The following XRN1 variants were observed in gnomAD, a reference collection of about 807,000 sequenced individuals.
XRN1 encodes strand-exchange protein 1 homolog.
Under a neutral mutation model 222.3 loss-of-function variants are expected in XRN1, and 67 were observed. The ratio of observed to expected loss-of-function variants is 0.30; its 90% CI spans 0.25 to 0.37. The LOEUF is 0.37. XRN1 is among the 10% of genes least tolerant of loss of function. XRN1 has a pLI of 1.00. For synonymous variants in XRN1, 643 were observed against 652.4 expected (o/e 0.99, Z 0.22); for missense variants, 1,707 against 2,000.2 (o/e 0.85, Z 2.80).
chr3:142,375,674 T>G (rs1318942042), intron 25 of XRN1, 124 bp downstream of exon 25: 2 of 958,244 alleles, frequency 2.1e-6, no homozygotes, highest in Non-Finnish European at 2.9e-6. Context: ...TAAGTTTACA[T>G]GTAACATATG....
chr3:142,311,724 T>G lies in XRN1; in HGVS notation c.4872A>C (p.Pro1624=), dbSNP rs1378448959. The G allele has an allele frequency of 6.2e-7, 1 of 1,614,186 alleles. No individual in the cohort carries two copies. Among genetic ancestry groups the G allele is most frequent in the East Asian group, 2.2e-5 (1 of 44,878 alleles). ...SQATPVQTSQ[P]DSSNIVKVSP... is the part of the protein sequence containing the mutation. ...TTACTTTGACAATGTTGGAAGAATCTGGCTGGCTAGTCTGAACTGGAGTGG... is the reference window on the plus strand; with the variant it reads ...TTACTTTGACAATGTTGGAAGAATCGGGCTGGCTAGTCTGAACTGGAGTGG... Residue 1624 remains proline (P), a synonymous_variant, in exon 41 of 41, where the codon CCA becomes CCC. Coordinates refer to ENST00000392981, the MANE Select transcript of XRN1 (RefSeq NM_001282857.2).
In XRN1 at chr3:142,311,559, T is replaced by G; in HGVS notation, c.5037A>C (p.Lys1679Asn). Reference protein sequence around the residue: ...KSTPISSSRRKSRKLAVNFGV... With the variant: ...KSTPISSSRRNSRKLAVNFGV... Reference sequence around the variant, plus strand: ...CAAAATTAACAGCCAGTTTTCTTGATTTTCTTCTTGAAGAAGAGATTGGTG... The same window carrying G: ...CAAAATTAACAGCCAGTTTTCTTGAGTTTCTTCTTGAAGAAGAGATTGGTG... The change falls in exon 41 of 41, where the codon AAA (lysine) becomes AAC (asparagine). Residue 1679 changes from lysine (K) to asparagine (N), a missense_variant. Lys to Asn is a moderately conservative substitution (Grantham distance 94). This residue lies in a region of XRN1 where 473 missense variants were observed against 482.0 expected (regional missense o/e 0.98). Coordinates refer to ENST00000392981, the MANE Select transcript of XRN1 (RefSeq NM_001282857.2). 1 of 1,611,120 alleles carries G rather than the reference T, an allele frequency of 6.2e-7. No homozygotes were observed. The highest frequency in any genetic ancestry group is 8.5e-7 in the Non-Finnish European group (1 of 1,177,992).
In XRN1 at chr3:142,375,870, T is replaced by C. The variant is rs751613273; in HGVS notation, c.2906A>G (p.Tyr969Cys). Residue 969 changes from tyrosine (Y) to cysteine (C), a missense_variant, in exon 25 of 41, where the codon TAT becomes TGT. Coordinates refer to ENST00000392981, the MANE Select transcript of XRN1 (RefSeq NM_001282857.2). ...FNKKNEEVPG[Y>C]TKKVGSEWMY... ...CCATTCACTTCCAACTTTCTTAGTA[T>C]ATCCAGGTACCTCCTCATTTTTCTT... is the stretch of plus-strand genomic sequence containing the variant. 6 of 1,614,002 alleles carry C rather than the reference T, an allele frequency of 3.7e-6. No homozygotes were observed. Among genetic ancestry groups the C allele is most frequent in the East Asian group, 2.2e-5 (1 of 44,868 alleles).
chr3:142,422,727 A>G lies in XRN1; in HGVS notation c.822T>C (p.Asp274=). ...TCCAATCATCTATTATCCTTTCAAT[A>G]TCATATTTAAATGTGATCTTTTCCT... ...VLKEKITFKY[D]IERIIDDWIL... The change falls in exon 8 of 41, where the codon GAT becomes GAC. Residue 274 remains aspartate, a synonymous_variant. Transcript: ENST00000392981. The G allele has an allele frequency of 1.2e-6, 2 of 1,611,534 alleles. No homozygotes were observed. Among genetic ancestry groups the G allele is most frequent in the Non-Finnish European group, 8.5e-7 (1 of 1,178,746 alleles).
intron 33 of XRN1, among the ~76,000 whole-genome samples, chr3:142,338,054 G>A (rs2065895595): frequency 6.6e-6 from 1 of 152,294 alleles, no homozygotes; most frequent in East Asian, 1.9e-4. Context: ...CAGGCCACAA[G>A]GACTACACGT....
At chr3:142,432,579 AT>A in intron 2 of XRN1, 81 bp downstream of exon 2, 1 of 1,241,946 alleles carries the variant, frequency 8.1e-7, no homozygotes, top group Non-Finnish European at 1.1e-6. Flanking sequence ...TGAACAGAAG[AT>A]TGTGTTAAAT....
chr3:142,402,095 T>G (rs2068159677), intron 18 of XRN1, among the ~76,000 whole-genome samples: 1 of 152,194 alleles, frequency 6.6e-6, no homozygotes, highest in South Asian at 2.1e-4. Context: ...AACCTCAAAG[T>G]CATCAATTCT....
chr3:142,412,008 T>C (rs2068602894), intron 15 of XRN1, among the ~76,000 whole-genome samples: 1 of 151,912 alleles, frequency 6.6e-6, no homozygotes, highest in Non-Finnish European at 1.5e-5. Context: ...ATTTTTTTAG[T>C]AGAGACGGGG....
At chr3:142,442,221 A>T (rs2070251237) in intron 1 of XRN1, among the ~76,000 whole-genome samples, 1 of 152,240 alleles carries the variant, frequency 6.6e-6, no homozygotes, top group Non-Finnish European at 1.5e-5. Flanking sequence ...ACACCTATCA[A>T]ACATCAGGAA....
At chr3:142,345,533 A>G (rs2066121665) in intron 33 of XRN1, among the ~76,000 whole-genome samples, 3 of 152,230 alleles carry the variant, frequency 2.0e-5, no homozygotes, top group African/African-American at 7.2e-5. Flanking sequence ...ACCAAAGACA[A>G]AGCAGAAAAA....
intron 15 of XRN1, among the ~76,000 whole-genome samples, chr3:142,409,417 T>C (rs2068473307): frequency 6.6e-6 from 1 of 152,370 alleles, no homozygotes; most frequent in East Asian, 1.9e-4. Flanking sequence ...GCACCAACTT[T>C]TGAAAAGCAC....
chr3:142,412,444 A>C, intron 15 of XRN1, 100 bp downstream of exon 15: 1 of 1,362,062 alleles, frequency 7.3e-7, no homozygotes, highest in Non-Finnish European at 9.6e-7. Context: ...TCTCATTAAC[A>C]AAACATAAAT....
At chr3:142,446,391 T>C (rs2070503408) in intron 1 of XRN1, among the ~76,000 whole-genome samples, 1 of 152,202 alleles carries the variant, frequency 6.6e-6, no homozygotes, top group East Asian at 1.9e-4. Context: ...TTAAAAATAA[T>C]TCTCCTCCCA....
In XRN1 at chr3:142,355,775, T is replaced by C. The variant is rs115829838; in HGVS notation, c.3673-279A>G. Among the ~76,000 whole-genome samples, 652 of 151,894 alleles carry C rather than the reference T, an allele frequency of 4.3e-3. 2 individuals are homozygous for C. The highest frequency in any genetic ancestry group is 0.015 in the African/African-American group (628 of 41,444). ...ACAAGCGTGTACCATCATGCCCAAC[T>C]ATTTTTTTTTTTTCTTCTAGGGATG... is the stretch of plus-strand genomic sequence containing the variant. On this transcript the variant is annotated intron_variant, in intron 31 of 40. Coordinates refer to ENST00000392981, the MANE Select transcript of XRN1 (RefSeq NM_001282857.2).
intron 25 of XRN1, among the ~76,000 whole-genome samples, chr3:142,373,283 T>A (rs530853384): frequency 5.9e-5 from 9 of 152,150 alleles, no homozygotes; most frequent in African/African-American, 2.2e-4. Flanking sequence ...TAAAGTTGAA[T>A]GAATTTCCCA....
intron 39 of XRN1, among the ~76,000 whole-genome samples, chr3:142,315,611 C>T (rs964792205): frequency 6.6e-5 from 10 of 151,122 alleles, no homozygotes; most frequent in Admixed American, 4.6e-4. Context: ...TGGGTTCAAG[C>T]GATTCTCCTG....
At chr3:142,437,893 A>G (rs1341439731) in intron 1 of XRN1, among the ~76,000 whole-genome samples, 3 of 152,220 alleles carry the variant, frequency 2.0e-5, no homozygotes, top group Non-Finnish European at 4.4e-5. Context: ...AGATCTGAAC[A>G]GACATTTCTC....
rs1377975518 is a variant in XRN1, at chr3:142,403,685, A to C, written c.2092T>G (p.Ser698Ala). 6.2e-7 allele frequency: 1 copy of C among 1,612,896 alleles called. No homozygotes were observed. The highest frequency in any genetic ancestry group is 1.1e-5 in the South Asian group (1 of 90,876). Reference protein sequence around the residue: ...MMLEILVDAESDELTVENVAS... With the variant: ...MMLEILVDAEADELTVENVAS... ...AATAAAATACTTACAAGTTCATCTGATTCTGCATCCACTAAGATTTCCAAC... is the reference window on the plus strand; with the variant it reads ...AATAAAATACTTACAAGTTCATCTGCTTCTGCATCCACTAAGATTTCCAAC... The change falls in exon 18 of 41, where the codon TCA becomes GCA. Residue 698 changes from serine (S) to alanine (A), a missense_variant. Ser to Ala is a moderately conservative substitution (Grantham distance 99). Coordinates refer to ENST00000392981, the MANE Select transcript of XRN1 (RefSeq NM_001282857.2).
chr3:142,347,377 C>G, intron 32 of XRN1, 35 bp from the exon 33 acceptor site: 1 of 1,318,626 alleles, frequency 7.6e-7, no homozygotes, highest in Non-Finnish European at 1.0e-6. Flanking sequence ...TAAACAAAAT[C>G]TTAATATTAT....
Sources: gnomAD v4.1 joint callset for allele counts (sites outside exome capture counted in the v4.1 genomes callset) on GRCh38, gnomAD v4.1.1 for gene constraint, gnomAD v4.1.1 regional missense constraint, MANE v1.5 for transcripts, NCBI Gene and HGNC (gene_info 2026-07-23, HGNC 2026-07-21) for gene names.